The following LMO1 variants were observed in gnomAD, a reference collection of about 807,000 sequenced individuals.
LMO1 encodes LIM domain only 1.
Under a neutral mutation model 18.0 loss-of-function variants are expected in LMO1, and 10 were observed. The observed-to-expected ratio is 0.55, with a 90% CI of 0.34 to 0.94. LMO1 has a LOEUF of 0.94. Ranked by LOEUF, LMO1 falls within the 40% of genes least tolerant of loss-of-function variation. The pLI is 0.02. For synonymous variants in LMO1, 77 were observed against 77.9 expected, an observed-to-expected ratio of 0.99 and a Z score of 0.06; for missense variants, 183 against 205.7, an observed-to-expected ratio of 0.89 and a Z score of 0.68.
At chr11:8,266,198 C>T (rs369339874), upstream of LMO1, among the ~76,000 whole-genome samples, 30 of 152,192 alleles carry the variant, frequency 2.0e-4, no homozygotes, top group Admixed American at 1.5e-3. Context: ...CCAAACTGAT[C>T]TGGAGAGGAA....
chr11:8,239,453 C>G (rs1158681308), intron 1 of LMO1, among the ~76,000 whole-genome samples: 1 of 152,154 alleles, frequency 6.6e-6, no homozygotes, highest in Middle Eastern at 3.2e-3. Context: ...GGGCACAGGG[C>G]TGGGAAGGGA....
At chr11:8,259,171 G>A (rs1314972817) in intron 1 of LMO1, among the ~76,000 whole-genome samples, 1 of 152,194 alleles carries the variant, frequency 6.6e-6, no homozygotes, top group East Asian at 1.9e-4. Flanking sequence ...GTTAATCTGG[G>A]TACATTAGCG....
chr11:8,253,996 C>T (rs557996384), intron 1 of LMO1, among the ~76,000 whole-genome samples: 1 of 152,154 alleles, frequency 6.6e-6, no homozygotes, highest in Non-Finnish European at 1.5e-5. Context: ...AGTACAGACA[C>T]AGACAAAGAT....
At chr11:8,244,450 G>A (rs534665878) in intron 1 of LMO1, among the ~76,000 whole-genome samples, 9 of 152,364 alleles carry the variant, frequency 5.9e-5, no homozygotes, top group Admixed American at 1.3e-4. Context: ...CCCGCATGGC[G>A]GGCACAGCCG....
intron 1 of LMO1, among the ~76,000 whole-genome samples, chr11:8,233,652 C>A (rs1952711503): frequency 6.6e-6 from 1 of 152,004 alleles, no homozygotes; most frequent in Non-Finnish European, 1.5e-5. Flanking sequence ...GGATAAGCTC[C>A]CCACAGGGTC....
chr11:8,251,217 G>C (rs951130630), intron 1 of LMO1, among the ~76,000 whole-genome samples: 5 of 152,318 alleles, frequency 3.3e-5, no homozygotes, highest in South Asian at 4.1e-4. Context: ...GGGAAACCAA[G>C]ACCCAGAAAG....
At chr11:8,249,571 C>T (rs1470903770) in intron 1 of LMO1, among the ~76,000 whole-genome samples, 1 of 152,212 alleles carries the variant, frequency 6.6e-6, no homozygotes, top group African/African-American at 2.4e-5. Context: ...ACCTCAGCAT[C>T]ATGCAGTATG....
At chr11:8,268,647 G>A (rs576547742), upstream of LMO1, 1,814 of 331,286 alleles carry the variant, frequency 5.5e-3, 37 homozygotes, top group African/African-American at 0.036. Flanking sequence ...GGAGGGACTG[G>A]GGGGAAGGCG....
chr11:8,232,074 G>A (rs953258260), intron 1 of LMO1, among the ~76,000 whole-genome samples: 2 of 152,144 alleles, frequency 1.3e-5, no homozygotes, highest in Admixed American at 1.3e-4. Context: ...CTCGCTCTCA[G>A]CCCAGCTGGC....
chr11:8,235,540 C>A (rs1417235466), intron 1 of LMO1, among the ~76,000 whole-genome samples: 1 of 152,212 alleles, frequency 6.6e-6, no homozygotes, highest in East Asian at 1.9e-4. Context: ...TCAGATTTTA[C>A]CAATTTCTTC....
rs1373723251 is a variant in LMO1 at position 8,230,228 on chromosome 11, G to A, written c.239+63C>T. On this transcript the variant is annotated intron_variant, in intron 2 of 3. Coordinates refer to ENST00000335790, the MANE Select transcript of LMO1 (RefSeq NM_002315.3). ...GGGCCGGGGGCACAGTCACGCTGGG[G>A]CTGAGGATGGGGAGCTTTCTGAGCA... 5 of 1,472,402 alleles carry A rather than the reference G, an allele frequency of 3.4e-6. No homozygotes were observed. The Admixed American group carries it at 8.4e-5, about 25-fold the overall frequency. The allele number at this position is 1,472,402 out of a possible 1,614,324, so 91.2% of individuals were successfully genotyped here. A position where few individuals can be genotyped will look rare whatever the true frequency, so the allele number is the denominator to read the frequency against.
At chr11:8,245,246 C>A (rs1846875042) in intron 1 of LMO1, among the ~76,000 whole-genome samples, 1 of 152,136 alleles carries the variant, frequency 6.6e-6, no homozygotes, top group African/African-American at 2.4e-5. Flanking sequence ...TGTCTGGGCC[C>A]TGCCTTGCTT....
intron 1 of LMO1, among the ~76,000 whole-genome samples, chr11:8,242,031 C>A (rs1441905511): frequency 6.6e-6 from 1 of 151,768 alleles, no homozygotes; most frequent in Non-Finnish European, 1.5e-5. Flanking sequence ...TAGGCAGGGC[C>A]CCTAGAGATG....
chr11:8,237,644 G>A (rs1321433347), intron 1 of LMO1, among the ~76,000 whole-genome samples: 1 of 152,276 alleles, frequency 6.6e-6, no homozygotes, highest in Non-Finnish European at 1.5e-5. Context: ...CTGTGAGGAT[G>A]AGGGAGAGAG....
intron 1 of LMO1, among the ~76,000 whole-genome samples, chr11:8,251,847 G>C (rs1391646389): frequency 7.9e-6 from 1 of 127,368 alleles, no homozygotes; most frequent in East Asian, 2.3e-4. Flanking sequence ...TGTGGTGGGT[G>C]TGCGTGTGTG....
intron 1 of LMO1, among the ~76,000 whole-genome samples, chr11:8,252,564 T>C (rs952916294): frequency 6.6e-6 from 1 of 152,258 alleles, no homozygotes; most frequent in Non-Finnish European, 1.5e-5. Context: ...ACATCTGTGA[T>C]TCATAGACAG....
chr11:8,225,007 T>G (rs12795672), intron 3 of LMO1, among the ~76,000 whole-genome samples: 4,534 of 151,228 alleles, frequency 0.03, 90 homozygotes, highest in Non-Finnish European at 0.046. Context: ...TGTTGGTGAG[T>G]GTAGGGTTAG....
intron 1 of LMO1, among the ~76,000 whole-genome samples, chr11:8,258,099 C>A (rs1218407024): frequency 1.3e-5 from 2 of 152,226 alleles, no homozygotes; most frequent in African/African-American, 2.4e-5. Flanking sequence ...CACAAAATCA[C>A]AGTGGACATA....
chr11:8,248,481 A>G (rs1408877154), intron 1 of LMO1, among the ~76,000 whole-genome samples: 2 of 152,064 alleles, frequency 1.3e-5, no homozygotes, highest in Non-Finnish European at 2.9e-5. Flanking sequence ...CACTATACAG[A>G]CCTCTCCCCT....
Sources: allele counts gnomAD v4.1 joint callset (sites outside exome capture counted in the v4.1 genomes callset), GRCh38; gene constraint gnomAD v4.1.1; transcripts MANE v1.5; gene names NCBI Gene and HGNC (gene_info 2026-07-23, HGNC 2026-07-21).